Variants in PTPRT observed in about 807,000 individuals in gnomAD.
PTPRT encodes the protein receptor-type tyrosine-protein phosphatase T.
In PTPRT, 56 loss-of-function variants were observed where a neutral mutation model predicts 176.8. The observed-to-expected ratio is 0.32, with a 90% CI of 0.26 to 0.40. The LOEUF (loss-of-function observed/expected upper bound fraction) is 0.40, where lower values mean the gene tolerates loss of function less well. Among genes scored for constraint, PTPRT ranks in the 10% least tolerant of loss-of-function variants. The pLI is 1.00. For missense variants in PTPRT, 1,540 were observed against 1,908.2 expected (o/e 0.81, Z 3.60); for synonymous variants, 783 against 739.0 (o/e 1.06, Z -0.96).
chr20:42,833,745 G>A (rs2078133702), intron 2 of PTPRT, among the ~76,000 whole-genome samples: 1 of 152,160 alleles, frequency 6.6e-6, no homozygotes, highest in African/African-American at 2.4e-5. Context: ...GACAAAGTTA[G>A]AAAGATAATT....
At chr20:42,201,975 G>GTGTGTGTGTGTA (rs1380398908) in intron 15 of PTPRT, among the ~76,000 whole-genome samples, 207 of 151,412 alleles carry the variant, frequency 1.4e-3, no homozygotes, top group African/African-American at 4.9e-3. Flanking sequence ...GTGTGTGTGT[G>GTGTGTGTGTGTA]TGTATGTATG....
In PTPRT at chr20:42,072,774, C is replaced by A. The variant is rs1457667500; in HGVS notation, c.*8105G>T. 4.7e-6 allele frequency: 1 copy of A among 211,482 alleles called. No homozygotes were observed. The highest frequency in any genetic ancestry group is 9.6e-6 in the Non-Finnish European group (1 of 103,972). 13.1% of individuals were successfully genotyped at this position (211,482 alleles called of 1,614,324 possible). On this transcript the variant is annotated 3_prime_UTR_variant, in exon 31 of 31. Coordinates refer to ENST00000373187, the MANE Select transcript of PTPRT (RefSeq NM_007050.6). ...GAATATCTTAGGAAAACATGAATCT[C>A]AGGGTCACAGCTTTATTGTATAGAT...
chr20:43,147,454 C>T (rs2146413234), intron 1 of PTPRT, among the ~76,000 whole-genome samples: 1 of 152,268 alleles, frequency 6.6e-6, no homozygotes, highest in South Asian at 2.1e-4. Context: ...ATTCTACCTC[C>T]CCCATCAGAC....
intron 2 of PTPRT, among the ~76,000 whole-genome samples, chr20:42,815,138 A>G (rs1249289248): frequency 6.6e-6 from 1 of 152,186 alleles, no homozygotes; most frequent in Non-Finnish European, 1.5e-5. Context: ...ATGTTTTTGT[A>G]GTAGGTTTTT....
At chr20:42,780,125 T>C (rs1286523923) in intron 4 of PTPRT, 93 bp downstream of exon 4, 1 of 1,020,084 alleles carries the variant, frequency 9.8e-7, no homozygotes, top group African/African-American at 1.6e-5. Flanking sequence ...GTGAGAGATG[T>C]TTGTAAGCTG....
chr20:42,197,088 A>G (rs1056406122), intron 16 of PTPRT, among the ~76,000 whole-genome samples: 3 of 152,180 alleles, frequency 2.0e-5, no homozygotes, highest in African/African-American at 7.2e-5. Flanking sequence ...AGACTTTAAA[A>G]AAATGTCAAG....
intron 2 of PTPRT, among the ~76,000 whole-genome samples, chr20:42,882,913 G>A (rs547669688): frequency 7.2e-5 from 11 of 152,380 alleles, no homozygotes; most frequent in African/African-American, 2.2e-4. Flanking sequence ...GAAAGGCTCC[G>A]TGGAGGATGC....
At chr20:42,401,916 T>C (rs2058912372) in intron 9 of PTPRT, among the ~76,000 whole-genome samples, 2 of 152,204 alleles carry the variant, frequency 1.3e-5, no homozygotes, top group African/African-American at 4.8e-5. Flanking sequence ...AAGCAGGGTG[T>C]CTTGGTTTTC....
chr20:43,008,090 C>T (rs1440886011), intron 1 of PTPRT, among the ~76,000 whole-genome samples: 2 of 152,118 alleles, frequency 1.3e-5, no homozygotes, highest in Non-Finnish European at 2.9e-5. Flanking sequence ...TGAGAAATGG[C>T]CATACAGTCT....
rs117874020 is a variant in PTPRT, at chr20:43,021,467, G to A, written c.89-135535C>T. Among the ~76,000 whole-genome samples, 238 of 152,168 alleles carry A rather than the reference G, an allele frequency of 1.6e-3. 2 individuals are homozygous for A. The East Asian group carries it at 0.022, about 14-fold the overall frequency. On this transcript the variant is annotated intron_variant, in intron 1 of 30. Coordinates refer to ENST00000373187, the MANE Select transcript of PTPRT (RefSeq NM_007050.6). ...CCACCCACCTTGGAAACCAACAGTG[G>A]ACGTGAACTCAGTTGGATGGGGTAG...
intron 9 of PTPRT, among the ~76,000 whole-genome samples, chr20:42,375,958 C>T (rs1241734787): frequency 6.6e-6 from 1 of 152,122 alleles, no homozygotes; most frequent in Non-Finnish European, 1.5e-5. Context: ...AAACAACCAC[C>T]ATAACCAATA....
At chr20:42,752,010 T>C (rs936257674) in intron 6 of PTPRT, among the ~76,000 whole-genome samples, 4 of 152,164 alleles carry the variant, frequency 2.6e-5, no homozygotes, top group Non-Finnish European at 5.9e-5. Flanking sequence ...ATGACCCAAA[T>C]GTCCCCCAGT....
intron 1 of PTPRT, among the ~76,000 whole-genome samples, chr20:43,109,965 C>T (rs756222982): frequency 9.2e-5 from 14 of 152,078 alleles, no homozygotes; most frequent in South Asian, 4.2e-4. Context: ...TGGTAAAAAG[C>T]GTTTTATCTC....
At chr20:42,970,796 T>C (rs1167338071) in intron 1 of PTPRT, 1 of 152,242 alleles carries the variant, frequency 6.6e-6, no homozygotes, top group Non-Finnish European at 1.5e-5. Context: ...GCTTAACTAA[T>C]GGTGCTTCTT....
intron 9 of PTPRT, among the ~76,000 whole-genome samples, chr20:42,368,183 G>A (rs970564583): frequency 6.6e-6 from 1 of 152,096 alleles, no homozygotes; most frequent in African/African-American, 2.4e-5. Flanking sequence ...GCTCCTTCTG[G>A]GTGAGTGTGG....
chr20:43,188,821 G>C (rs1600785375), intron 1 of PTPRT, among the ~76,000 whole-genome samples: 1 of 148,068 alleles, frequency 6.8e-6, no homozygotes, highest in African/African-American at 2.5e-5. Context: ...CTGGACTGTG[G>C]TGCCCTCCAG....
intron 1 of PTPRT, among the ~76,000 whole-genome samples, chr20:43,121,882 A>T (rs779378789): frequency 6.6e-6 from 1 of 152,212 alleles, no homozygotes; most frequent in African/African-American, 2.4e-5. Flanking sequence ...TTACCGAGTC[A>T]TCTCACATAA....
rs143763882 is a variant in PTPRT at position 42,489,155 on chromosome 20, G to T, written c.1154-16593C>A. On this transcript the variant is annotated intron_variant, in intron 7 of 30. Coordinates refer to ENST00000373187, the MANE Select transcript of PTPRT (RefSeq NM_007050.6). ...TAGGGTACATGTGCACAACCTGCAG[G>T]TTAGTTACATATGTATACATGTTGT... Among the ~76,000 whole-genome samples, 411 of 151,610 alleles carry T rather than the reference G, an allele frequency of 2.7e-3. 3 individuals carry two copies. The highest frequency in any genetic ancestry group is 0.017 in the Middle Eastern group (5 of 294).
At chr20:42,825,163 T>A (rs138935865) in intron 2 of PTPRT, among the ~76,000 whole-genome samples, 1 of 152,194 alleles carries the variant, frequency 6.6e-6, no homozygotes, top group South Asian at 2.1e-4. Flanking sequence ...ACGTATCACA[T>A]TATCAAGTTG....
Sources: allele counts gnomAD v4.1 joint callset (sites outside exome capture counted in the v4.1 genomes callset), GRCh38; gene constraint gnomAD v4.1.1; transcripts MANE v1.5; gene names NCBI Gene and HGNC (gene_info 2026-07-23, HGNC 2026-07-21).